NTRK3: variants seen among roughly 807,000 people sequenced by gnomAD.
The protein encoded by NTRK3 is NT-3 growth factor receptor.
Under a neutral mutation model 91.7 loss-of-function variants are expected in NTRK3, and 24 were observed. The ratio of observed to expected loss-of-function variants is 0.26; its 90% confidence interval spans 0.19 to 0.37. NTRK3 has a LOEUF of 0.37. Among genes scored for constraint, NTRK3 ranks in the 10% least tolerant of loss-of-function variants. NTRK3 has a pLI of 1.00. For missense variants in NTRK3, 880 were observed against 1,068.9 expected, an observed-to-expected ratio of 0.82 and a Z score of 2.46; for synonymous variants, 483 against 404.0, an observed-to-expected ratio of 1.20 and a Z score of -2.34.
intron 5 of NTRK3, among the ~76,000 whole-genome samples, chr15:88,152,508 T>C (rs1301275244): frequency 6.6e-6 from 1 of 152,062 alleles, no homozygotes; most frequent in Non-Finnish European, 1.5e-5. Context: ...AAAATGGCCA[T>C]CTACAAGTCA....
chr15:88,145,986 A>T (rs1175404068), intron 6 of NTRK3, among the ~76,000 whole-genome samples: 2 of 152,212 alleles, frequency 1.3e-5, no homozygotes, highest in Admixed American at 1.3e-4. Context: ...TAAACAGTAT[A>T]CTTAACCTTG....
chr15:87,883,058 C>T (rs1455265519), intron 17 of NTRK3, among the ~76,000 whole-genome samples: 1 of 151,258 alleles, frequency 6.6e-6, no homozygotes, highest in Non-Finnish European at 1.5e-5. Flanking sequence ...AAAAATACAA[C>T]TATACATAAA....
rs377460668 is a variant in NTRK3 at position 88,147,319 on chromosome 15, T to A, written c.464+16A>T. ...CAGCACTTCAGTACCTGGACAGTCT[T>A]CAAAACCAAACTTACAATTCCCGAA... On this transcript the variant is annotated intron_variant, in intron 6 of 18. Coordinates refer to ENST00000394480, the Ensembl canonical transcript of NTRK3. The A allele has an allele frequency of 1.8e-4, 285 of 1,612,606 alleles. No individual in the cohort carries two copies. The highest frequency in any genetic ancestry group is 2.3e-4 in the Non-Finnish European group (268 of 1,178,964).
chr15:88,016,745 A>T (rs775727507), intron 14 of NTRK3, among the ~76,000 whole-genome samples: 19 of 152,358 alleles, frequency 1.2e-4, no homozygotes, highest in Admixed American at 2.6e-4. Flanking sequence ...CAGCCATTAA[A>T]AATTAATACA....
At chr15:87,987,952 C>T (rs1039161293) in intron 14 of NTRK3, among the ~76,000 whole-genome samples, 1 of 152,014 alleles carries the variant, frequency 6.6e-6, no homozygotes, top group Non-Finnish European at 1.5e-5. Flanking sequence ...AGAAGAATTA[C>T]GAATACTTTA....
exon 17 of NTRK3, chr15:87,929,343 T>C (rs1229373782): frequency 1.2e-6 from 2 of 1,614,180 alleles, no homozygotes. Flanking sequence ...GCGATCTGAC[T>C]GGCAATGTGG....
rs143558144 is a variant in NTRK3 at position 87,918,140 on chromosome 15, A to G, written c.2133+11051T>C. Among the ~76,000 whole-genome samples the G allele has an allele frequency of 9.1e-3, 1,386 of 152,090 alleles. 12 individuals carry two copies. The Middle Eastern group carries it at 0.092, about 10-fold the overall frequency. On this transcript the variant is annotated intron_variant, in intron 17 of 18. Transcript: ENST00000394480. ...TCTAATGGCTTCTCTTCCATACTCT[A>G]TGGCTACCACTGTGGCACAGGATCT...
chr15:88,164,222 C>A (rs559770597), intron 5 of NTRK3, among the ~76,000 whole-genome samples: 7 of 152,218 alleles, frequency 4.6e-5, no homozygotes, highest in Non-Finnish European at 8.8e-5. Context: ...TGGACCCACA[C>A]GGTGGTGGGC....
intron 14 of NTRK3, chr15:87,978,630 G>A (rs2073928207): frequency 4.3e-6 from 1 of 231,354 alleles, no homozygotes; most frequent in East Asian, 6.1e-5. Context: ...TCTGCAAGGA[G>A]TTTTCTAATG....
chr15:88,155,672 T>C (rs978693491), intron 5 of NTRK3, among the ~76,000 whole-genome samples: 2 of 152,200 alleles, frequency 1.3e-5, no homozygotes, highest in African/African-American at 2.4e-5. Context: ...AGTATAGATA[T>C]AATAAAAGAC....
chr15:87,868,249 G>A lies in NTRK3; in HGVS notation c.*8686C>T, dbSNP rs145204685. 31 of 229,294 alleles carry A rather than the reference G, an allele frequency of 1.4e-4. No homozygotes were observed. In the East Asian group the frequency reaches 1.6e-3, roughly 12 times the overall value. The allele number at this position is 229,294 out of a possible 1,614,324, so 14.2% of individuals were successfully genotyped here. Reference sequence around the variant, plus strand: ...TGAATGTAGTTTGCACTATGAGCACGAGCACCTAGAATAAAACACAATGCT... The same window carrying A: ...TGAATGTAGTTTGCACTATGAGCACAAGCACCTAGAATAAAACACAATGCT... On this transcript the variant is annotated 3_prime_UTR_variant, in exon 19 of 19. Transcript: ENST00000394480.
intron 13 of NTRK3, among the ~76,000 whole-genome samples, chr15:88,114,014 A>C (rs1210576050): frequency 2.6e-5 from 4 of 151,242 alleles, no homozygotes; most frequent in East Asian, 1.9e-4. Context: ...TACCCCCCCC[A>C]CCACCAACAA....
At chr15:88,158,920 T>A (rs941235796) in intron 5 of NTRK3, among the ~76,000 whole-genome samples, 10 of 152,068 alleles carry the variant, frequency 6.6e-5, no homozygotes, top group African/African-American at 2.4e-4. Context: ...GCAGAAAGCA[T>A]CTGTGGGAAA....
chr15:88,064,459 T>C (rs1238150916), intron 13 of NTRK3, among the ~76,000 whole-genome samples: 2 of 152,194 alleles, frequency 1.3e-5, no homozygotes, highest in African/African-American at 4.8e-5. Flanking sequence ...TGGTTCTTTT[T>C]TTTTCTCTAA....
chr15:88,102,826 G>C (rs149293058), intron 13 of NTRK3, among the ~76,000 whole-genome samples: 1 of 152,052 alleles, frequency 6.6e-6, no homozygotes, highest in Admixed American at 6.6e-5. Context: ...TCCAGAATCC[G>C]ACCACCCTTC....
At chr15:87,952,102 G>A (rs2071164691) in intron 14 of NTRK3, among the ~76,000 whole-genome samples, 1 of 150,846 alleles carries the variant, frequency 6.6e-6, no homozygotes, top group African/African-American at 2.4e-5. Context: ...ACTCCAGGCT[G>A]GGCAACAGAG....
At chr15:87,880,122 A>T in intron 18 of NTRK3, 148 bp downstream of exon 19, 1 of 954,922 alleles carries the variant, frequency 1.0e-6, no homozygotes, top group Non-Finnish European at 1.6e-6. Flanking sequence ...TTTTCCTACT[A>T]AGAAGCTCTC....
At chr15:88,032,652 A>ACC (rs34539238) in intron 14 of NTRK3, among the ~76,000 whole-genome samples, 1 of 151,822 alleles carries the variant, frequency 6.6e-6, no homozygotes, top group African/African-American at 2.4e-5. Context: ...GACCCACAGG[A>ACC]CCCCCTTCGC....
At chr15:87,957,562 C>T (rs1052827456) in intron 14 of NTRK3, among the ~76,000 whole-genome samples, 4 of 152,158 alleles carry the variant, frequency 2.6e-5, no homozygotes, top group African/African-American at 9.7e-5. Context: ...AATCATTTGG[C>T]ACAGTGCATA....
Sources: allele counts gnomAD v4.1 joint callset (sites outside exome capture counted in the v4.1 genomes callset), GRCh38; gene constraint gnomAD v4.1.1; transcripts MANE v1.5; gene names NCBI Gene and HGNC (gene_info 2026-07-23, HGNC 2026-07-21).